RAB6B: variants seen among roughly 807,000 people sequenced by gnomAD.
The protein encoded by RAB6B is RAB6B, member RAS oncogene family, also known as ras-related protein Rab-6B.
A neutral mutation model predicts 31.2 loss-of-function variants in RAB6B; 7 were observed. The observed-to-expected ratio is 0.22, with a 90% confidence interval of 0.13 to 0.42. The LOEUF is 0.42. Ranked by LOEUF, RAB6B falls within the 10% of genes least tolerant of loss-of-function variation. The probability of loss-of-function intolerance (pLI) is 1.00; values close to 1 mark genes in which losing one functional copy is unlikely to be tolerated. For missense variants in RAB6B, 149 were observed against 280.6 expected, an observed-to-expected ratio of 0.53 and a Z score of 3.35; for synonymous variants, 105 against 104.9, an observed-to-expected ratio of 1.00 and a Z score of -0.01.
chr3:133,834,116 AG>A (rs1027644753), intron 7 of RAB6B, among the ~76,000 whole-genome samples: 1 of 152,008 alleles, frequency 6.6e-6, no homozygotes, highest in Non-Finnish European at 1.5e-5. Context: ...GGAGCTGTTC[AG>A]GGCTGGGTAG....
chr3:133,837,977 C>T (rs1338385866), intron 6 of RAB6B, among the ~76,000 whole-genome samples, 189 bp downstream of exon 6: 1 of 152,224 alleles, frequency 6.6e-6, no homozygotes, highest in African/African-American at 2.4e-5. Context: ...AGTGGTCCCT[C>T]CCTCTTTTGG....
At chr3:133,859,761 C>T (rs1936133311) in intron 2 of RAB6B, among the ~76,000 whole-genome samples, 1 of 152,220 alleles carries the variant, frequency 6.6e-6, no homozygotes, top group African/African-American at 2.4e-5. Flanking sequence ...GTGTGGAGCT[C>T]AGCTCCTCTC....
intron 5 of RAB6B, among the ~76,000 whole-genome samples, 185 bp from the exon 6 acceptor site, chr3:133,838,444 C>A (rs1160933458): frequency 6.6e-6 from 1 of 152,180 alleles, no homozygotes; most frequent in East Asian, 1.9e-4. Context: ...AAAGCAGGCA[C>A]CAGGGAACAG....
chr3:133,853,526 C>T (rs1348130011), intron 2 of RAB6B, among the ~76,000 whole-genome samples: 1 of 151,668 alleles, frequency 6.6e-6, no homozygotes, highest in Non-Finnish European at 1.5e-5. Flanking sequence ...GCCAGCCCCA[C>T]AGGAGCTACC....
chr3:133,841,692 A>C, intron 2 of RAB6B, 29 bp from the exon 3 acceptor site: 4 of 1,612,426 alleles, frequency 2.5e-6, no homozygotes, highest in Non-Finnish European at 3.4e-6. Context: ...GAACGGTCAA[A>C]ATCAAAAGGT....
At chr3:133,863,810 C>CT (rs1348005490) in intron 2 of RAB6B, among the ~76,000 whole-genome samples, 1 of 152,140 alleles carries the variant, frequency 6.6e-6, no homozygotes, top group Non-Finnish European at 1.5e-5. Flanking sequence ...AAAACAGCAC[C>CT]TTTTTTCTTT....
At chr3:133,873,351 G>T (rs1008145770) in intron 1 of RAB6B, among the ~76,000 whole-genome samples, 20 of 152,194 alleles carry the variant, frequency 1.3e-4, no homozygotes, top group Non-Finnish European at 2.5e-4. Flanking sequence ...ACTGGCTGGA[G>T]ACTGGAAGAT....
intron 2 of RAB6B, among the ~76,000 whole-genome samples, chr3:133,850,907 G>C (rs1284173654): frequency 6.6e-6 from 1 of 151,574 alleles, no homozygotes; most frequent in African/African-American, 2.4e-5. Flanking sequence ...CTTGACAGTA[G>C]CCAGAGGAAA....
intron 2 of RAB6B, among the ~76,000 whole-genome samples, chr3:133,860,757 C>T (rs1936149299): frequency 6.6e-6 from 1 of 152,214 alleles, no homozygotes. Context: ...GAGAGTGTGT[C>T]CTCCTGAGAG....
At chr3:133,855,407 G>A (rs1936060663) in intron 2 of RAB6B, among the ~76,000 whole-genome samples, 1 of 152,234 alleles carries the variant, frequency 6.6e-6, no homozygotes, top group South Asian at 2.1e-4. Context: ...AATGGAGAGT[G>A]GCTTGTACTT....
intron 2 of RAB6B, among the ~76,000 whole-genome samples, chr3:133,842,467 T>C (rs1559902052): frequency 6.6e-6 from 1 of 152,242 alleles, no homozygotes. Flanking sequence ...ATCACTGCTA[T>C]GTAATCAATA....
chr3:133,888,382 CAT>C (rs1004155587), intron 1 of RAB6B, among the ~76,000 whole-genome samples: 5 of 152,228 alleles, frequency 3.3e-5, no homozygotes, highest in African/African-American at 1.2e-4. Flanking sequence ...TGAGTGAACT[CAT>C]GTGAGGAAGG....
chr3:133,879,140 C>A (rs1367967422), intron 1 of RAB6B, among the ~76,000 whole-genome samples: 1 of 152,114 alleles, frequency 6.6e-6, no homozygotes, highest in Non-Finnish European at 1.5e-5. Flanking sequence ...GTTATGAATT[C>A]TATGAAAGCA....
intron 2 of RAB6B, among the ~76,000 whole-genome samples, chr3:133,851,482 T>TGGGA (rs1935984028): frequency 6.6e-6 from 1 of 151,974 alleles, no homozygotes. Context: ...GGATAGTGAA[T>TGGGA]GGGATAAAGG....
intron 6 of RAB6B, among the ~76,000 whole-genome samples, chr3:133,835,086 C>CA (rs1383697020): frequency 2.0e-5 from 3 of 152,204 alleles, no homozygotes; most frequent in Non-Finnish European, 4.4e-5. Flanking sequence ...GGGAGCCCTG[C>CA]AGGTCCGGCG....
chr3:133,864,382 G>C (rs975725347), intron 2 of RAB6B, among the ~76,000 whole-genome samples: 1 of 152,122 alleles, frequency 6.6e-6, no homozygotes. Context: ...TCTGAAAAAT[G>C]TTCCCTTTAC....
chr3:133,886,142 A>G, intron 1 of RAB6B, among the ~76,000 whole-genome samples: 1 of 152,132 alleles, frequency 6.6e-6, no homozygotes, highest in African/African-American at 2.4e-5. Flanking sequence ...CCGATTCCCC[A>G]GAAACCCCAA....
At chr3:133,883,089 C>G (rs1936491515) in intron 1 of RAB6B, among the ~76,000 whole-genome samples, 1 of 152,166 alleles carries the variant, frequency 6.6e-6, no homozygotes, top group Admixed American at 6.5e-5. Flanking sequence ...CAGAACCAAA[C>G]AAAGATCACT....
intron 2 of RAB6B, among the ~76,000 whole-genome samples, chr3:133,862,926 T>C (rs1113479): frequency 0.6 from 90,724 of 152,118 alleles, 28,664 homozygotes; most frequent in African/African-American, 0.83. Context: ...CAAAATAATA[T>C]ATGAGATCAT....
Sources: allele counts gnomAD v4.1 joint callset (sites outside exome capture counted in the v4.1 genomes callset), GRCh38; gene constraint gnomAD v4.1.1; transcripts MANE v1.5; gene names NCBI Gene and HGNC (gene_info 2026-07-23, HGNC 2026-07-21).